Variants in CCR3 observed in about 807,000 individuals in gnomAD.
CCR3 encodes the protein C-C chemokine receptor type 3.
For missense variants in CCR3, 419 were observed against 437.5 expected (o/e 0.96, Z 0.38); for synonymous variants, 203 against 179.2 (o/e 1.13, Z -1.06).
upstream of CCR3, chr3:46,242,388 T>C (rs199945480): frequency 3.9e-5 from 6 of 152,232 alleles, no homozygotes; most frequent in Non-Finnish European, 8.8e-5. Flanking sequence ...GATCTGATGG[T>C]ATCTCTGTTT....
At chr3:46,245,247 T>C (rs1354852911) in intron 1 of CCR3, among the ~76,000 whole-genome samples, 2 of 151,606 alleles carry the variant, frequency 1.3e-5, no homozygotes, top group Non-Finnish European at 2.9e-5. Context: ...GAGGCTCTTC[T>C]TGTGTATTTC....
At chr3:46,255,828 G>GA (rs1700411169) in intron 1 of CCR3, among the ~76,000 whole-genome samples, 1 of 152,020 alleles carries the variant, frequency 6.6e-6, no homozygotes, top group Admixed American at 6.6e-5. Flanking sequence ...TTTGAAGCTG[G>GA]GTAACGTGAT....
intron 1 of CCR3, chr3:46,263,248 ATAAT>A (rs1306641666): frequency 2.0e-5 from 3 of 153,344 alleles, no homozygotes; most frequent in Non-Finnish European, 4.4e-5. Context: ...ATAAATACAA[ATAAT>A]TAACGGTGAA....
intron 2 of CCR3, among the ~76,000 whole-genome samples, chr3:46,216,723 T>A (rs1342117537): frequency 6.6e-6 from 1 of 152,154 alleles, no homozygotes; most frequent in Non-Finnish European, 1.5e-5. Flanking sequence ...AAAATAATTA[T>A]CACCCTAGAG....
chr3:46,264,456 G>A (rs1490322321), intron 1 of CCR3: 3 of 1,518,546 alleles, frequency 2.0e-6, no homozygotes, highest in African/African-American at 1.4e-5. Flanking sequence ...GGTTCCTCAA[G>A]TCCGTAGCAA....
chr3:46,265,964 T>A lies in CCR3; in HGVS notation c.806T>A (p.Phe269Tyr), dbSNP rs756122772. The A allele has an allele frequency of 2.5e-6, 4 of 1,614,106 alleles. No homozygotes were observed. Among genetic ancestry groups the A allele is most frequent in the Middle Eastern group, 1.6e-4 (1 of 6,062 alleles). Reference protein sequence around the residue: ...ILLSSYQSILFGNDCERSKHL... With the variant: ...ILLSSYQSILYGNDCERSKHL... ...CTCTCTTCCTATCAATCCATCTTAT[T>A]TGGAAATGACTGTGAGCGGAGCAAG... Residue 269 changes from phenylalanine to tyrosine, a missense_variant, in exon 2 of 2, where the codon TTT (phenylalanine) becomes TAT (tyrosine). Phe to Tyr is a conservative substitution (Grantham distance 22, BLOSUM62 3). Coordinates refer to ENST00000395940, the MANE Select transcript of CCR3 (RefSeq NM_178329.3).
chr3:46,252,165 CTG>C (rs1383882610), intron 1 of CCR3, among the ~76,000 whole-genome samples: 1 of 131,148 alleles, frequency 7.6e-6, no homozygotes, highest in Non-Finnish European at 1.6e-5. Context: ...AGGCTAGTTT[CTG>C]TCTTTTTTTT....
At chr3:46,264,253 G>A in intron 1 of CCR3, 2 of 675,642 alleles carry the variant, frequency 3.0e-6, no homozygotes, top group Non-Finnish European at 5.2e-6. Context: ...ATGTTACCAG[G>A]CCTAACTCAG....
At chr3:46,252,038 G>A (rs1261895100) in intron 1 of CCR3, among the ~76,000 whole-genome samples, 1 of 152,112 alleles carries the variant, frequency 6.6e-6, no homozygotes, top group Non-Finnish European at 1.5e-5. Flanking sequence ...GGGATGCAAT[G>A]GCTTGGCTTG....
At chr3:46,216,237 T>G (rs554167908) in intron 2 of CCR3, among the ~76,000 whole-genome samples, 1 of 152,388 alleles carries the variant, frequency 6.6e-6, no homozygotes, top group South Asian at 2.1e-4. Context: ...GCTGGAATGC[T>G]ATGCAACTTT....
chr3:46,262,187 A>G (rs1290957841), intron 1 of CCR3, among the ~76,000 whole-genome samples: 2 of 152,254 alleles, frequency 1.3e-5, no homozygotes, highest in Non-Finnish European at 2.9e-5. Context: ...ACCTAAAATC[A>G]TTGTTCAAAT....
At chr3:46,258,134 G>A (rs1700462114) in intron 1 of CCR3, among the ~76,000 whole-genome samples, 1 of 152,180 alleles carries the variant, frequency 6.6e-6, no homozygotes, top group South Asian at 2.1e-4. Context: ...CACTTTCACA[G>A]ACACACTCAA....
At chr3:46,237,694 C>T (rs1211956766), upstream of CCR3, among the ~76,000 whole-genome samples, 1 of 152,202 alleles carries the variant, frequency 6.6e-6, no homozygotes, top group African/African-American at 2.4e-5. Context: ...GTCCTTTCCT[C>T]AATGTATGTT....
At chr3:46,230,655 A>G (rs1699953477) in intron 2 of CCR3, among the ~76,000 whole-genome samples, 1 of 152,174 alleles carries the variant, frequency 6.6e-6, no homozygotes, top group Non-Finnish European at 1.5e-5. Context: ...CAGGGTACCT[A>G]AAGCCCTTAG....
intron 1 of CCR3, among the ~76,000 whole-genome samples, chr3:46,244,935 C>T (rs546563933): frequency 6.6e-6 from 1 of 152,264 alleles, no homozygotes; most frequent in East Asian, 1.9e-4. Context: ...TGGTGACTAT[C>T]CCACAACCAT....
At chr3:46,233,632 C>A (rs2125925509) in intron 2 of CCR3, among the ~76,000 whole-genome samples, 1 of 152,296 alleles carries the variant, frequency 6.6e-6, no homozygotes. Flanking sequence ...GGTTTTCCCA[C>A]ACACCTCTGT....
intron 1 of CCR3, among the ~76,000 whole-genome samples, chr3:46,263,228 A>G (rs1700559570): frequency 6.6e-6 from 1 of 152,344 alleles, no homozygotes; most frequent in Non-Finnish European, 1.5e-5. Flanking sequence ...ACTCTTGGAG[A>G]AAAAGGAAAA....
intron 1 of CCR3, among the ~76,000 whole-genome samples, chr3:46,247,858 A>G (rs912951273): frequency 4.6e-5 from 7 of 151,926 alleles, no homozygotes; most frequent in African/African-American, 1.7e-4. Context: ...TAGGGAAGGG[A>G]GGGGGCCTGA....
intron 1 of CCR3, among the ~76,000 whole-genome samples, chr3:46,251,589 C>T (rs371216542): frequency 6.6e-5 from 10 of 152,056 alleles, no homozygotes; most frequent in Admixed American, 6.5e-5. Context: ...TCCCACAATC[C>T]GAGTCACGGC....
Sources: gnomAD v4.1 joint callset for allele counts (sites outside exome capture counted in the v4.1 genomes callset) on GRCh38, gnomAD v4.1.1 for gene constraint, MANE v1.5 for transcripts, NCBI Gene and HGNC (gene_info 2026-07-23, HGNC 2026-07-21) for gene names.